The following ZNF385D variants were observed in gnomAD, a reference collection of about 807,000 sequenced individuals.
The protein encoded by ZNF385D is zinc finger protein 659.
In ZNF385D, 15 loss-of-function variants were observed where a neutral mutation model predicts 35.8. That is an observed-to-expected ratio of 0.42 (90% confidence interval 0.28 to 0.64). The LOEUF is 0.64. ZNF385D is among the 30% of genes least tolerant of loss of function. ZNF385D has a pLI of 0.23. For missense variants in ZNF385D, 474 were observed against 494.6 expected (o/e 0.96, Z 0.39); for synonymous variants, 212 against 186.8 (o/e 1.13, Z -1.10).
In ZNF385D at chr3:22,264,840, A is replaced by G. The variant is rs904456150; in HGVS notation, c.107-95805T>C. The stretch of plus-strand genomic sequence containing the variant: ...ATGATTATCAAAAATGAACATTTAG[A>G]TATCTAAAATTCCATTCTCCCTCTT... On this transcript the variant is annotated intron_variant, in intron 2 of 5. Transcript: ENST00000494108. Among the ~76,000 whole-genome samples the G allele has an allele frequency of 6.9e-5, 10 of 144,906 alleles. No homozygotes were observed. The South Asian group carries it at 2.0e-3, about 29-fold the overall frequency.
chr3:21,890,815 T>C (rs1698815578), intron 3 of ZNF385D, among the ~76,000 whole-genome samples: 2 of 152,144 alleles, frequency 1.3e-5, no homozygotes, highest in African/African-American at 4.8e-5. Context: ...AAATAAGGAT[T>C]GACTTGCATT....
chr3:21,696,608 C>T (rs75541314), intron 1 of ZNF385D, among the ~76,000 whole-genome samples: 39 of 152,304 alleles, frequency 2.6e-4, no homozygotes, highest in African/African-American at 8.2e-4. Context: ...CTGATCCAAT[C>T]GGCATAACTG....
chr3:21,755,656 G>A (rs10440124), upstream of ZNF385D, among the ~76,000 whole-genome samples: 169 of 152,290 alleles, frequency 1.1e-3, no homozygotes, highest in African/African-American at 3.7e-3. Context: ...TAAACTTAGT[G>A]TGGGAATTTG....
chr3:21,437,719 ACC>A, intron 4 of ZNF385D, among the ~76,000 whole-genome samples: 5 of 149,514 alleles, frequency 3.3e-5, no homozygotes, highest in South Asian at 2.1e-4. Context: ...AAAAAAAAAA[ACC>A]GGAACCCTGA....
intron 1 of ZNF385D, among the ~76,000 whole-genome samples, chr3:21,681,698 G>GAAAAAAAAAAAAAAAAAAAAAAAAAGA (rs5847124): frequency 2.3e-5 from 3 of 133,162 alleles, no homozygotes; most frequent in Admixed American, 7.5e-5. Flanking sequence ...AAAAAAAAAC[G>GAAAAAAAAAAAAAAAAAAAAAAAAAGA]AAAAAAAAAA....
At chr3:22,050,490 A>C (rs1699283571) in intron 3 of ZNF385D, among the ~76,000 whole-genome samples, 1 of 152,212 alleles carries the variant, frequency 6.6e-6, no homozygotes. Flanking sequence ...CTTTGACAGG[A>C]AATGTTTCAT....
At chr3:22,368,728 A>C (rs1475227844) in intron 2 of ZNF385D, among the ~76,000 whole-genome samples, 2 of 152,074 alleles carry the variant, frequency 1.3e-5, no homozygotes, top group Non-Finnish European at 2.9e-5. Flanking sequence ...TACCCTTATA[A>C]CCTCATCTAA....
chr3:21,650,899 C>T lies in ZNF385D; in HGVS notation c.165+13987G>A, dbSNP rs1281441332. Among the ~76,000 whole-genome samples, 4 of 152,194 alleles carry T rather than the reference C, an allele frequency of 2.6e-5. No individual in the cohort carries two copies. In the East Asian group the frequency reaches 7.7e-4, roughly 29 times the overall value. ...TTTTTGCTGTTGTTGATATGGATTG[C>T]TCTCCTTTTTAAGGAGTATGTTAGC... On this transcript the variant is annotated intron_variant, in intron 2 of 7. Transcript: ENST00000281523.
intron 3 of ZNF385D, among the ~76,000 whole-genome samples, chr3:22,108,024 C>G (rs569634370): frequency 6.6e-6 from 1 of 151,566 alleles, no homozygotes; most frequent in South Asian, 2.1e-4. Context: ...TGTGACGATG[C>G]AGAAAGAACG....
chr3:22,039,686 T>C (rs1440871957), intron 3 of ZNF385D, among the ~76,000 whole-genome samples: 2 of 152,104 alleles, frequency 1.3e-5, no homozygotes, highest in Admixed American at 1.3e-4. Context: ...TCATTGCAAA[T>C]CCAGGCAAAT....
At chr3:22,035,933 T>C (rs1698288549) in intron 3 of ZNF385D, among the ~76,000 whole-genome samples, 2 of 151,840 alleles carry the variant, frequency 1.3e-5, no homozygotes, top group South Asian at 4.2e-4. Flanking sequence ...CTTTCACAGT[T>C]TTTTTTTCCA....
intron 2 of ZNF385D, among the ~76,000 whole-genome samples, chr3:22,261,026 T>C (rs1195940987): frequency 6.6e-6 from 1 of 152,134 alleles, no homozygotes; most frequent in East Asian, 1.9e-4. Flanking sequence ...GGGATAATTA[T>C]TTGACTCATA....
intron 3 of ZNF385D, chr3:21,777,644 G>T (rs1217529561): frequency 1.3e-5 from 2 of 151,924 alleles, no homozygotes; most frequent in Admixed American, 6.6e-5. Context: ...CTTTGGGCCT[G>T]ATTTTTCACC....
intron 4 of ZNF385D, among the ~76,000 whole-genome samples, chr3:21,499,119 CT>C (rs1340972303): frequency 6.6e-6 from 1 of 151,998 alleles, no homozygotes; most frequent in Non-Finnish European, 1.5e-5. Flanking sequence ...CCAGCAACCC[CT>C]TTTTTGAGTA....
chr3:21,984,046 T>C (rs868649889), intron 3 of ZNF385D, among the ~76,000 whole-genome samples: 2,518 of 136,270 alleles, frequency 0.018, 17 homozygotes, highest in Middle Eastern at 0.032. Flanking sequence ...TTTGAGTTCA[T>C]TGTAGATTCT....
At chr3:22,280,326 C>T (rs1307972825) in intron 2 of ZNF385D, among the ~76,000 whole-genome samples, 1 of 146,928 alleles carries the variant, frequency 6.8e-6, no homozygotes, top group East Asian at 2.0e-4. Context: ...CTTTTGGGTT[C>T]TTGGTCACAA....
At chr3:22,340,324 T>C (rs899045911) in intron 2 of ZNF385D, among the ~76,000 whole-genome samples, 4 of 152,130 alleles carry the variant, frequency 2.6e-5, no homozygotes, top group Non-Finnish European at 4.4e-5. Flanking sequence ...TTAAAACTTA[T>C]GGCCACTTTA....
chr3:21,980,911 G>A (rs1177285008), intron 3 of ZNF385D, among the ~76,000 whole-genome samples: 3 of 151,954 alleles, frequency 2.0e-5, no homozygotes, highest in Non-Finnish European at 4.4e-5. Context: ...CTTTTTTTAT[G>A]GTTGCATAGC....
chr3:21,439,774 G>C (rs775762673), intron 4 of ZNF385D, among the ~76,000 whole-genome samples: 1 of 152,058 alleles, frequency 6.6e-6, no homozygotes, highest in Non-Finnish European at 1.5e-5. Flanking sequence ...CAGAAGATTA[G>C]AGACATCAGA....
Sources: allele counts gnomAD v4.1 joint callset (sites outside exome capture counted in the v4.1 genomes callset), GRCh38; gene constraint gnomAD v4.1.1; transcripts MANE v1.5; gene names NCBI Gene and HGNC (gene_info 2026-07-23, HGNC 2026-07-21).